The following VPS13B variants were observed in gnomAD, a reference collection of about 807,000 sequenced individuals.
VPS13B encodes the protein intermembrane lipid transfer protein VPS13B.
VPS13B carries 285 observed loss-of-function variants against 426.4 expected under a neutral mutation model. The observed-to-expected ratio is 0.67, with a 90% CI of 0.61 to 0.74. VPS13B has a LOEUF of 0.74. Ranked by LOEUF, VPS13B falls within the 30% of genes least tolerant of loss-of-function variation. VPS13B has a pLI of 0.00. For synonymous variants in VPS13B, 1,676 were observed against 1,676.4 expected, an observed-to-expected ratio of 1.00 and a Z score of 0.01; for missense variants, 4,537 against 4,782.6, an observed-to-expected ratio of 0.95 and a Z score of 1.51.
chr8:99,696,540 G>A (rs768039238), intron 35 of VPS13B: 13 of 477,718 alleles, frequency 2.7e-5, no homozygotes, highest in African/African-American at 9.9e-5. Flanking sequence ...CCTGCCGCCC[G>A]TGACCATGAA....
At chr8:99,150,309 C>T (rs368215135) in intron 14 of VPS13B, among the ~76,000 whole-genome samples, 1 of 152,116 alleles carries the variant, frequency 6.6e-6, no homozygotes, top group Non-Finnish European at 1.5e-5. Flanking sequence ...TGACTCCCCC[C>T]ACGTACATAG....
chr8:99,491,648 T>G (rs1820609363), intron 25 of VPS13B, among the ~76,000 whole-genome samples: 1 of 152,192 alleles, frequency 6.6e-6, no homozygotes, highest in African/African-American at 2.4e-5. Context: ...TCCACTTGAT[T>G]GAAACGACTA....
At chr8:99,036,790 A>G (rs1304685160) in intron 2 of VPS13B, among the ~76,000 whole-genome samples, 1 of 152,152 alleles carries the variant, frequency 6.6e-6, no homozygotes, top group Non-Finnish European at 1.5e-5. Context: ...AGGGTGGTAG[A>G]GGTGGAATTG....
intron 2 of VPS13B, among the ~76,000 whole-genome samples, chr8:99,029,195 A>G (rs1205728399): frequency 1.4e-5 from 2 of 143,058 alleles, no homozygotes; most frequent in African/African-American, 5.4e-5. Context: ...CCGGGCAGAA[A>G]CGCTCCTCAC....
Position 99,553,475 on chromosome 8 carries a change from A to G in VPS13B, c.4746-2975A>G, listed in dbSNP as rs192878734. Among the ~76,000 whole-genome samples, 6 of 152,268 alleles carry G rather than the reference A, an allele frequency of 3.9e-5. No homozygotes were observed. In the East Asian group the frequency reaches 9.6e-4, roughly 24 times the overall value. On this transcript the variant is annotated intron_variant, in intron 30 of 61. Coordinates refer to ENST00000357162, the MANE Select transcript of VPS13B (RefSeq NM_152564.5). ...CATCTGTGATTAGTTGGTGATTTAA[A>G]TATGCTGTTCATTCAGAATCATATA... is the stretch of plus-strand genomic sequence containing the variant.
intron 31 of VPS13B, among the ~76,000 whole-genome samples, chr8:99,569,366 T>C (rs1825355924): frequency 6.6e-6 from 1 of 151,358 alleles, no homozygotes; most frequent in South Asian, 2.1e-4. Context: ...GAGGCAGAGG[T>C]TGCAGTGAGC....
At chr8:99,775,617 G>T (rs775206706) in intron 40 of VPS13B, among the ~76,000 whole-genome samples, 11 of 152,306 alleles carry the variant, frequency 7.2e-5, no homozygotes, top group Admixed American at 1.3e-4. Context: ...ACTCATACAG[G>T]CTGGGATTGG....
Position 99,233,041 on chromosome 8 carries a change from G to A in VPS13B, c.2515+39984G>A, listed in dbSNP as rs190067186. The A allele has an allele frequency of 3.5e-4, 405 of 1,141,600 alleles. 3 individuals carry two copies. In the East Asian group the frequency reaches 6.5e-3, roughly 18 times the overall value. 70.7% of individuals were successfully genotyped at this position (1,141,600 alleles called of 1,614,324 possible). ...CATCTGTTGTTTTGCTGATGCCTGT[G>A]GGAGGCCTCACTTGCTGCGCTGTGA... On this transcript the variant is annotated intron_variant, in intron 17 of 61. Transcript: ENST00000357162.
chr8:99,367,874 G>A (rs529382958), intron 19 of VPS13B, among the ~76,000 whole-genome samples: 16 of 151,974 alleles, frequency 1.1e-4, no homozygotes, highest in Non-Finnish European at 2.2e-4. Context: ...GGCTGGTTTC[G>A]AGCTCCTGAC....
At chr8:99,072,330 G>T (rs149854928) in intron 3 of VPS13B, among the ~76,000 whole-genome samples, 5 of 152,296 alleles carry the variant, frequency 3.3e-5, no homozygotes, top group African/African-American at 1.2e-4. Flanking sequence ...TTCCCTTAAA[G>T]GTAGTGGGTT....
At chr8:99,459,694 A>G (rs1033832782) in intron 23 of VPS13B, among the ~76,000 whole-genome samples, 1 of 152,184 alleles carries the variant, frequency 6.6e-6, no homozygotes, top group African/African-American at 2.4e-5. Flanking sequence ...CAATAGAAGT[A>G]TGGTATTAGA....
intron 31 of VPS13B, among the ~76,000 whole-genome samples, chr8:99,570,935 A>G (rs1011433370): frequency 5.3e-5 from 8 of 152,144 alleles, no homozygotes; most frequent in African/African-American, 1.9e-4. Context: ...CACTTAATAC[A>G]TGTAGGATAT....
intron 39 of VPS13B, among the ~76,000 whole-genome samples, chr8:99,735,334 G>T (rs1196618748): frequency 6.6e-6 from 1 of 152,154 alleles, no homozygotes; most frequent in Admixed American, 6.5e-5. Context: ...TAGGGTTTTT[G>T]CAGATGTAAT....
Position 99,310,158 on chromosome 8 carries a change from A to C in VPS13B, c.2824+34904A>C, listed in dbSNP as rs374337137. Among the ~76,000 whole-genome samples the C allele has an allele frequency of 2.2e-4, 34 of 152,208 alleles. No homozygotes were observed. The East Asian group carries it at 2.7e-3, about 12-fold the overall frequency. ...GACAGTTTGACTTCCTCTTTTCCTA[A>C]TTGAATACCCTTTATTTCTTTCTCC... On this transcript the variant is annotated intron_variant, in intron 19 of 61. Transcript: ENST00000357162.
chr8:99,464,238 T>C (rs2133500493), intron 23 of VPS13B, among the ~76,000 whole-genome samples: 1 of 152,280 alleles, frequency 6.6e-6, no homozygotes, highest in South Asian at 2.1e-4. Flanking sequence ...TTGTTTCTTT[T>C]GACAAACATT....
At chr8:99,239,856 T>A (rs1816829489) in intron 17 of VPS13B, among the ~76,000 whole-genome samples, 1 of 152,148 alleles carries the variant, frequency 6.6e-6, no homozygotes, top group Non-Finnish European at 1.5e-5. Context: ...TAAATAATTA[T>A]AAAGGTTTCA....
intron 19 of VPS13B, among the ~76,000 whole-genome samples, chr8:99,338,870 T>A (rs139840996): frequency 6.6e-6 from 1 of 152,332 alleles, no homozygotes; most frequent in African/African-American, 2.4e-5. Context: ...TCTCCCACTC[T>A]ATCTGTGGTA....
Position 99,428,233 on chromosome 8 carries a change from T to C in VPS13B, c.3083-3304T>C, listed in dbSNP as rs548861570. Among the ~76,000 whole-genome samples, 5 of 152,186 alleles carry C rather than the reference T, an allele frequency of 3.3e-5. No individual in the cohort carries two copies. The South Asian group carries it at 1.0e-3, about 32-fold the overall frequency. On this transcript the variant is annotated intron_variant, in intron 21 of 61. Coordinates refer to ENST00000357162, the MANE Select transcript of VPS13B (RefSeq NM_152564.5). Reference sequence around the variant, plus strand: ...ATTCAGGACATAGGCATGGGCAAGGTCTTTATGTCTAAAACACCAAAAGCA... The same window carrying C: ...ATTCAGGACATAGGCATGGGCAAGGCCTTTATGTCTAAAACACCAAAAGCA...
intron 21 of VPS13B, among the ~76,000 whole-genome samples, chr8:99,398,554 A>G (rs1389425698): frequency 6.6e-6 from 1 of 152,188 alleles, no homozygotes; most frequent in Non-Finnish European, 1.5e-5. Flanking sequence ...TTGATTATAT[A>G]GTCACTTGGG....
Sources: gnomAD v4.1 joint callset for allele counts (sites outside exome capture counted in the v4.1 genomes callset) on GRCh38, gnomAD v4.1.1 for gene constraint, MANE v1.5 for transcripts, NCBI Gene and HGNC (gene_info 2026-07-23, HGNC 2026-07-21) for gene names.